Variants in NCOA7 observed in about 807,000 individuals in gnomAD.
NCOA7 encodes the protein 140 kDa estrogen receptor-associated protein.
Under a neutral mutation model 104.3 loss-of-function variants are expected in NCOA7, and 45 were observed. The observed-to-expected ratio is 0.43, with a 90% confidence interval of 0.34 to 0.55. NCOA7 has a LOEUF of 0.55. Among genes scored for constraint, NCOA7 ranks in the 20% least tolerant of loss-of-function variants. NCOA7 has a pLI of 0.02. For synonymous variants in NCOA7, 398 were observed against 402.3 expected, an observed-to-expected ratio of 0.99 and a Z score of 0.13; for missense variants, 1,041 against 1,119.7, an observed-to-expected ratio of 0.93 and a Z score of 1.00.
intron 2 of NCOA7, among the ~76,000 whole-genome samples, chr6:125,824,749 C>G (rs981523756): frequency 6.6e-6 from 1 of 152,060 alleles, no homozygotes. Flanking sequence ...CTCCTCTCCT[C>G]CATCTCTTTT....
intron 8 of NCOA7, among the ~76,000 whole-genome samples, chr6:125,885,620 G>T (rs757966966): frequency 6.6e-6 from 1 of 152,192 alleles, no homozygotes; most frequent in African/African-American, 2.4e-5. Flanking sequence ...AGCAGTGCAC[G>T]TTCTTAATGA....
At chr6:125,857,428 C>A (rs928411517) in intron 3 of NCOA7, among the ~76,000 whole-genome samples, 2 of 129,280 alleles carry the variant, frequency 1.5e-5, no homozygotes, top group Admixed American at 1.4e-4. Flanking sequence ...CACACACACA[C>A]ATATATATAT....
intron 10 of NCOA7, among the ~76,000 whole-genome samples, chr6:125,901,120 CG>C (rs1313896579): frequency 6.6e-6 from 1 of 152,216 alleles, no homozygotes; most frequent in African/African-American, 2.4e-5. Context: ...CATGCATATG[CG>C]TTTCAGTACT....
At position 125,890,001 on chromosome 6, in the gene NCOA7, T is replaced by C; in HGVS notation, c.1927+20T>C. 1 of 1,482,664 alleles carries C rather than the reference T, an allele frequency of 6.7e-7. No individual in the cohort carries two copies. Among genetic ancestry groups the C allele is most frequent in the Non-Finnish European group, 8.9e-7 (1 of 1,119,482 alleles). 91.8% of individuals were successfully genotyped at this position (1,482,664 alleles called of 1,614,324 possible). A position where few individuals can be genotyped will look rare whatever the true frequency, so the allele number is the denominator to read the frequency against. Reference sequence around the variant, plus strand: ...TTGAAGGTAAGCTGTTTTTCTTTAATGCCTTTATATTCTGTTGCATAATTG... The same window carrying C: ...TTGAAGGTAAGCTGTTTTTCTTTAACGCCTTTATATTCTGTTGCATAATTG... On this transcript the variant is annotated intron_variant, in intron 9 of 15. Transcript: ENST00000392477.
chr6:125,837,489 C>G (rs187183726), intron 2 of NCOA7, among the ~76,000 whole-genome samples: 122 of 152,308 alleles, frequency 8.0e-4, no homozygotes, highest in Non-Finnish European at 1.4e-3. Flanking sequence ...TTCTCCATCT[C>G]TCTGACCTTT....
Position 125,823,178 on chromosome 6 carries a change from C to CG in NCOA7, c.50+7775dup, listed in dbSNP as rs143124658. ...TTATTGGTTTTACAGTCAATCCCCC[C>CG]GCAAATGGACATCTGGAAGGTGGAG... On this transcript the variant is annotated intron_variant, in intron 2 of 15. Transcript: ENST00000392477. Among the ~76,000 whole-genome samples the CG allele has an allele frequency of 1.3e-3, 205 of 152,216 alleles. 3 individuals are homozygous for CG. In the East Asian group the frequency reaches 0.037, roughly 28 times the overall value.
chr6:125,807,662 T>C (rs1264259552), intron 1 of NCOA7, among the ~76,000 whole-genome samples: 1 of 152,230 alleles, frequency 6.6e-6, no homozygotes. Flanking sequence ...CTAATGCTGC[T>C]ATCCAGGATG....
At chr6:125,868,602 T>C (rs1782625679) in intron 3 of NCOA7, among the ~76,000 whole-genome samples, 1 of 152,256 alleles carries the variant, frequency 6.6e-6, no homozygotes, top group South Asian at 2.1e-4. Context: ...ATAAGTGAGA[T>C]GGTACATGAC....
chr6:125,826,483 A>G (rs1349420489), intron 2 of NCOA7, among the ~76,000 whole-genome samples: 1 of 152,056 alleles, frequency 6.6e-6, no homozygotes, highest in Non-Finnish European at 1.5e-5. Flanking sequence ...GTGATTTTGA[A>G]TAATGACCAT....
intron 11 of NCOA7, chr6:125,919,526 G>A: frequency 8.2e-7 from 1 of 1,224,610 alleles, no homozygotes; most frequent in Non-Finnish European, 1.2e-6. Context: ...TAATTAGAAA[G>A]GATTGTGCTG....
chr6:125,812,221 A>G (rs906834713), intron 1 of NCOA7, among the ~76,000 whole-genome samples: 2 of 152,050 alleles, frequency 1.3e-5, no homozygotes, highest in Non-Finnish European at 2.9e-5. Flanking sequence ...TTTCACTTCT[A>G]TCCCTTTGCT....
rs1784449192 is a variant in NCOA7 at position 125,889,187 on chromosome 6, G to T, written c.1133G>T (p.Arg378Met). 1 of 1,613,994 alleles carries T rather than the reference G, an allele frequency of 6.2e-7. No homozygotes were observed. Residue 378 changes from arginine to methionine, a missense_variant, in exon 9 of 16, where the codon AGG (arginine) becomes ATG (methionine). By Grantham distance (91) the Arg-to-Met change is moderately conservative. Around this residue, in one of 2 missense-constraint regions of NCOA7, gnomAD observed 914 missense variants for 942.7 expected, o/e 0.97. Coordinates refer to ENST00000392477, the MANE Select transcript of NCOA7 (RefSeq NM_181782.5). ...SEKLKKLDSS[R>M]ETSHGSPTVT... ...AAATTAAAGAAACTGGACTCCTCTAGGGAGACATCCCATGGTTCTCCCACA... is the reference window on the plus strand; with the variant it reads ...AAATTAAAGAAACTGGACTCCTCTATGGAGACATCCCATGGTTCTCCCACA...
chr6:125,891,138 G>T (rs916607054), intron 10 of NCOA7, among the ~76,000 whole-genome samples: 2 of 152,082 alleles, frequency 1.3e-5, no homozygotes, highest in Non-Finnish European at 2.9e-5. Context: ...GAATACTATG[G>T]AGCAGATCCA....
At chr6:125,928,089 T>A in intron 14 of NCOA7, 85 bp from the exon 15 acceptor site, 1 of 1,278,426 alleles carries the variant, frequency 7.8e-7, no homozygotes, top group African/African-American at 1.5e-5. Flanking sequence ...GGTTCCCTTT[T>A]ACATATAGAT....
chr6:125,890,109 T>C (rs1421503896), intron 9 of NCOA7, 128 bp downstream of exon 9: 13 of 692,312 alleles, frequency 1.9e-5, no homozygotes, highest in Non-Finnish European at 2.8e-5. Flanking sequence ...GTATCTTTGC[T>C]GATAGCATTA....
rs547977115 is a variant in NCOA7 at position 125,823,177 on chromosome 6, C to T, written c.50+7773C>T. Among the ~76,000 whole-genome samples, 4 of 152,228 alleles carry T rather than the reference C, an allele frequency of 2.6e-5. No individual in the cohort carries two copies. The East Asian group carries it at 7.7e-4, about 29-fold the overall frequency. Reference sequence around the variant, plus strand: ...TTTATTGGTTTTACAGTCAATCCCCCCGCAAATGGACATCTGGAAGGTGGA... The same window carrying T: ...TTTATTGGTTTTACAGTCAATCCCCTCGCAAATGGACATCTGGAAGGTGGA... On this transcript the variant is annotated intron_variant, in intron 2 of 15. Coordinates refer to ENST00000392477, the MANE Select transcript of NCOA7 (RefSeq NM_181782.5).
intron 5 of NCOA7, among the ~76,000 whole-genome samples, chr6:125,880,664 G>T (rs1261120997): frequency 6.6e-6 from 1 of 151,944 alleles, no homozygotes; most frequent in Non-Finnish European, 1.5e-5. Flanking sequence ...GAGTATCTGG[G>T]ACTACAGGTG....
At chr6:125,838,960 C>CAA (rs1034924641) in intron 2 of NCOA7, among the ~76,000 whole-genome samples, 4 of 152,132 alleles carry the variant, frequency 2.6e-5, no homozygotes, top group Non-Finnish European at 4.4e-5. Flanking sequence ...GTGGTGCCAA[C>CAA]AAGCTTCCAT....
chr6:125,806,271 G>A (rs151009430), intron 1 of NCOA7, among the ~76,000 whole-genome samples: 36 of 152,218 alleles, frequency 2.4e-4, no homozygotes, highest in Non-Finnish European at 1.0e-4. Context: ...AACCCAGGAG[G>A]GGGGGATTAC....
Sources: gnomAD v4.1 joint callset for allele counts (sites outside exome capture counted in the v4.1 genomes callset) on GRCh38, gnomAD v4.1.1 for gene constraint, gnomAD v4.1.1 regional missense constraint, MANE v1.5 for transcripts, NCBI Gene and HGNC (gene_info 2026-07-23, HGNC 2026-07-21) for gene names.